Variants in LDB1 observed in about 807,000 individuals in gnomAD.
LDB1 encodes the protein LIM domain-binding protein 1.
A neutral mutation model predicts 49.7 loss-of-function variants in LDB1; 6 were observed. The observed-to-expected ratio is 0.12, with a 90% CI of 0.07 to 0.24. LDB1 has a LOEUF of 0.24. Among genes scored for constraint, LDB1 ranks in the 10% least tolerant of loss-of-function variants. LDB1 has a pLI of 1.00. For missense variants in LDB1, 341 were observed against 561.7 expected (o/e 0.61, Z 3.97); for synonymous variants, 233 against 202.0 (o/e 1.15, Z -1.30).
chr10:102,114,633 A>T (rs2068306748), intron 1 of LDB1: 1 of 978,168 alleles, frequency 1.0e-6, no homozygotes, highest in Admixed American at 6.2e-5. Context: ...TACAATGGCC[A>T]CTGGGCCGGG....
chr10:102,111,361 G>A (rs2068250614), intron 2 of LDB1, 61 bp from the exon 3 acceptor site: 4 of 1,597,258 alleles, frequency 2.5e-6, no homozygotes, highest in Non-Finnish European at 3.4e-6. Flanking sequence ...GGGGGCAGGG[G>A]GCTACTCCCT....
Position 102,110,984 on chromosome 10 carries a change from G to T in LDB1, c.250-13C>A, listed in dbSNP as rs753626499. On this transcript the variant is annotated splice_polypyrimidine_tract_variant and intron_variant, in intron 4 of 10. Coordinates refer to ENST00000673968, the MANE Select transcript of LDB1 (RefSeq NM_001113407.3). ...GATTGTCACACTCCTAGGGAGCATG[G>T]TAACGGGTGTTCATGTGTCATAAGA... The T allele has an allele frequency of 6.2e-6, 10 of 1,612,556 alleles. No homozygotes were observed. The highest frequency in any genetic ancestry group is 8.5e-6 in the Non-Finnish European group (10 of 1,178,668).
At chr10:102,105,074 C>A (rs1206715267), downstream of LDB1, among the ~76,000 whole-genome samples, 7 of 152,166 alleles carry the variant, frequency 4.6e-5, no homozygotes, top group Admixed American at 4.6e-4. Flanking sequence ...CACATATAAA[C>A]AGATCCAGGC....
chr10:102,118,423 C>T (rs1366951585), intron 1 of LDB1, among the ~76,000 whole-genome samples: 2 of 152,146 alleles, frequency 1.3e-5, no homozygotes, highest in African/African-American at 4.8e-5. Flanking sequence ...TCTTCCCACC[C>T]ACCCACAAAC....
At chr10:102,112,970 G>A (rs1265036356) in intron 1 of LDB1, among the ~76,000 whole-genome samples, 2 of 152,166 alleles carry the variant, frequency 1.3e-5, no homozygotes, top group Non-Finnish European at 2.9e-5. Flanking sequence ...AGATAGGAGG[G>A]GAAACTGAGG....
rs193068362 is a variant in LDB1, at chr10:102,109,234, T to C, written c.857-57A>G. ...AGGGCCCCAGGTCCCCTATTCTCCA[T>C]TGTGGCTCCCAAGGAGCATGAGCCT... On this transcript the variant is annotated intron_variant, in intron 9 of 10. Coordinates refer to ENST00000673968, the MANE Select transcript of LDB1 (RefSeq NM_001113407.3). The surrounding 1 kb of genome is among the most constrained non-coding windows in gnomAD (Gnocchi z 5.8). 1.2e-4 allele frequency: 186 copies of C among 1,610,634 alleles called. No homozygotes were observed. Among genetic ancestry groups the C allele is most frequent in the East Asian group, 3.6e-4 (16 of 44,844 alleles).
chr10:102,120,925 CCTT>C (rs552194544), upstream of LDB1, among the ~76,000 whole-genome samples: 1,228 of 152,298 alleles, frequency 8.1e-3, 17 homozygotes, highest in African/African-American at 0.027. Context: ...GAGACGCCAG[CCTT>C]CTTCTGGAGG....
At chr10:102,115,730 GA>G (rs541080371) in intron 1 of LDB1, among the ~76,000 whole-genome samples, 1 of 149,932 alleles carries the variant, frequency 6.7e-6, no homozygotes, top group African/African-American at 2.5e-5. Flanking sequence ...CACCACCCCA[GA>G]AAAAAAAACG....
chr10:102,119,207 G>C (rs2068372511), intron 1 of LDB1, among the ~76,000 whole-genome samples: 1 of 152,136 alleles, frequency 6.6e-6, no homozygotes, highest in African/African-American at 2.4e-5. Flanking sequence ...CGGGGATGGA[G>C]ACAGACAGTG....
chr10:102,114,629 G>C (rs1321721761), intron 1 of LDB1: 7 of 984,364 alleles, frequency 7.1e-6, no homozygotes, highest in Non-Finnish European at 7.2e-6. Context: ...AAGTTACAAT[G>C]GCCACTGGGC....
At position 102,109,758 on chromosome 10, in the gene LDB1, A is replaced by G. The variant is rs754666866; in HGVS notation, c.649-75T>C. On this transcript the variant is annotated intron_variant, in intron 7 of 10. Coordinates refer to ENST00000673968, the MANE Select transcript of LDB1 (RefSeq NM_001113407.3). The surrounding 1 kb of genome is among the most constrained non-coding windows in gnomAD (Gnocchi z 5.8). ...TGCTCACCTGCCCTATCATCTGAGC[A>G]TTGTGACACTCCTGAGAGAGGATAG... The G allele has an allele frequency of 4.5e-5, 69 of 1,548,006 alleles. No homozygotes were observed. The highest frequency in any genetic ancestry group is 1.7e-4 in the Middle Eastern group (1 of 5,816).
downstream of LDB1, among the ~76,000 whole-genome samples, chr10:102,104,819 C>A (rs1405324605): frequency 6.6e-6 from 1 of 152,130 alleles, no homozygotes; most frequent in Admixed American, 6.6e-5. Context: ...TCAACACAGT[C>A]GCACTGCTAA....
At chr10:102,118,993 T>C (rs1273298094) in intron 1 of LDB1, among the ~76,000 whole-genome samples, 2 of 152,228 alleles carry the variant, frequency 1.3e-5, no homozygotes, top group Non-Finnish European at 2.9e-5. Flanking sequence ...ACCTGAAGTG[T>C]GTGCCCAGCC....
rs929230326 is a variant in LDB1 at position 102,114,850 on chromosome 10, G to A, written c.26-3314C>T. 8.2e-6 allele frequency: 8 copies of A among 977,540 alleles called. No individual in the cohort carries two copies. In the African/African-American group the frequency reaches 1.4e-4, roughly 18 times the overall value. The allele number at this position is 977,540 out of a possible 1,614,324, so 60.6% of individuals were successfully genotyped here. On this transcript the variant is annotated intron_variant, in intron 1 of 10. Transcript: ENST00000673968. ...CCCCAGGCCACCGGGCCCCTCTGCT[G>A]GGGGCACCAGGAGAGGCAGGACCCG...
At position 102,114,591 on chromosome 10, in the gene LDB1, G is replaced by C. The variant is rs558642541; in HGVS notation, c.26-3055C>G. 193 of 985,316 alleles carry C rather than the reference G, an allele frequency of 2.0e-4. 3 individuals are homozygous for C. The African/African-American group carries it at 3.2e-3, about 16-fold the overall frequency. 61.0% of individuals were successfully genotyped at this position (985,316 alleles called of 1,614,324 possible). On this transcript the variant is annotated intron_variant, in intron 1 of 10. Coordinates refer to ENST00000673968, the MANE Select transcript of LDB1 (RefSeq NM_001113407.3). ...AGACTCGCACGCACTGCCTCGGCCCGCCCCGCGGCGGCCGCTGTCCCGGGG... is the reference window on the plus strand; with the variant it reads ...AGACTCGCACGCACTGCCTCGGCCCCCCCCGCGGCGGCCGCTGTCCCGGGG...
intron 1 of LDB1, among the ~76,000 whole-genome samples, chr10:102,119,080 G>T (rs1040450284): frequency 1.3e-5 from 2 of 152,158 alleles, no homozygotes; most frequent in Admixed American, 1.3e-4. Flanking sequence ...TGGGGGAGTG[G>T]TGGGTGTCCA....
chr10:102,103,208 G>A (rs2068132138), downstream of LDB1, among the ~76,000 whole-genome samples: 2 of 151,906 alleles, frequency 1.3e-5, no homozygotes. Context: ...TTGTATCTTT[G>A]GTAGAGATGG....
intron 1 of LDB1, chr10:102,114,812 G>GGGGGGGGCCCCCCCCCC: frequency 1.1e-6 from 1 of 929,816 alleles, no homozygotes; most frequent in Non-Finnish European, 1.3e-6. Flanking sequence ...CCTCCGAGCA[G>GGGGGGGGCCCCCCCCCC]CCCGCCCGCC....
intron 1 of LDB1, among the ~76,000 whole-genome samples, chr10:102,116,891 A>G (rs566983527): frequency 6.6e-6 from 1 of 152,220 alleles, no homozygotes; most frequent in South Asian, 2.1e-4. Context: ...CACTGCCTTT[A>G]AACTTTCCAA....
Sources: allele counts gnomAD v4.1 joint callset (sites outside exome capture counted in the v4.1 genomes callset), GRCh38; gene constraint gnomAD v4.1.1; non-coding constraint Gnocchi (gnomAD v3.1); transcripts MANE v1.5; gene names NCBI Gene and HGNC (gene_info 2026-07-23, HGNC 2026-07-21).